PPP1R12B: variants seen among roughly 807,000 people sequenced by gnomAD.
The protein encoded by PPP1R12B is protein phosphatase 1 regulatory subunit 12B.
Under a neutral mutation model 126.1 loss-of-function variants are expected in PPP1R12B, and 76 were observed. That is an observed-to-expected ratio of 0.60 (90% CI 0.50 to 0.73). The LOEUF (loss-of-function observed/expected upper bound fraction) is 0.73. Among genes scored for constraint, PPP1R12B ranks in the 30% least tolerant of loss-of-function variants. PPP1R12B has a pLI of 0.00. For synonymous variants in PPP1R12B, 356 were observed against 434.7 expected (o/e 0.82, Z 2.25); for missense variants, 1,052 against 1,205.1 (o/e 0.87, Z 1.88).
intron 3 of PPP1R12B, among the ~76,000 whole-genome samples, chr1:202,423,098 C>T (rs567749138): frequency 3.3e-5 from 5 of 152,278 alleles, no homozygotes; most frequent in South Asian, 2.1e-4. Flanking sequence ...TGTGACTTTG[C>T]ATCTTTTCCC....
Position 202,382,630 on chromosome 1 carries a change from A to G in PPP1R12B, c.291+33488A>G, listed in dbSNP as rs1345397695. Among the ~76,000 whole-genome samples, 3 of 152,018 alleles carry G rather than the reference A, an allele frequency of 2.0e-5. No homozygotes were observed. The South Asian group carries it at 6.2e-4, about 31-fold the overall frequency. ...GGTGGCTCACGCTTGTAATCCCAGCACTTTGGGAGGCTGAGGGGGGTGGAT... is the reference window on the plus strand; with the variant it reads ...GGTGGCTCACGCTTGTAATCCCAGCGCTTTGGGAGGCTGAGGGGGGTGGAT... On this transcript the variant is annotated intron_variant, in intron 1 of 23. Transcript: ENST00000608999.
At chr1:202,551,118 T>A (rs963863497) in intron 18 of PPP1R12B, among the ~76,000 whole-genome samples, 22 of 152,260 alleles carry the variant, frequency 1.4e-4, no homozygotes, top group African/African-American at 5.1e-4. Context: ...ATATGTGAGA[T>A]GATGTTACAT....
intron 18 of PPP1R12B, among the ~76,000 whole-genome samples, chr1:202,515,603 T>C (rs1682049421): frequency 6.6e-6 from 1 of 152,176 alleles, no homozygotes; most frequent in South Asian, 2.1e-4. Flanking sequence ...CTTGCTCTGT[T>C]ACTCAGGCTG....
chr1:202,560,214 C>A (rs1184516074), intron 19 of PPP1R12B, among the ~76,000 whole-genome samples: 1 of 151,996 alleles, frequency 6.6e-6, no homozygotes, highest in Non-Finnish European at 1.5e-5. Flanking sequence ...ATTTTATAAT[C>A]TTTATATAGG....
chr1:202,569,140 G>A lies in PPP1R12B; in HGVS notation c.2812-7G>A, dbSNP rs571528265. On this transcript the variant is annotated splice_polypyrimidine_tract_variant and splice_region_variant and intron_variant, in intron 22 of 23. Transcript: ENST00000608999. ...TAATGTTCAACAGTCTCATTGTTCC[G>A]AAACAGGAGAGGCGAGCCTTGGAGC... is the stretch of plus-strand genomic sequence containing the variant. 8 of 1,612,852 alleles carry A rather than the reference G, an allele frequency of 5.0e-6. No individual in the cohort carries two copies. The highest frequency in any genetic ancestry group is 2.2e-5 in the South Asian group (2 of 91,026).
At chr1:202,394,035 G>A (rs1323917012) in intron 1 of PPP1R12B, among the ~76,000 whole-genome samples, 1 of 152,076 alleles carries the variant, frequency 6.6e-6, no homozygotes, top group East Asian at 1.9e-4. Flanking sequence ...CCCCATTTAC[G>A]CTTTTAAAAA....
At chr1:202,482,454 T>C (rs1209200530) in intron 13 of PPP1R12B, among the ~76,000 whole-genome samples, 1 of 152,208 alleles carries the variant, frequency 6.6e-6, no homozygotes, top group Non-Finnish European at 1.5e-5. Context: ...ATGGTACCTA[T>C]TGTGGTTTTG....
intron 10 of PPP1R12B, chr1:202,438,392 C>T (rs757563247): frequency 5.7e-5 from 37 of 646,130 alleles, no homozygotes; most frequent in African/African-American, 9.3e-5. Context: ...GTCCCCCCAG[C>T]GGCATGGCTT....
At chr1:202,529,548 C>T (rs1485312447) in intron 18 of PPP1R12B, among the ~76,000 whole-genome samples, 1 of 152,080 alleles carries the variant, frequency 6.6e-6, no homozygotes, top group African/African-American at 2.4e-5. Context: ...GACCATTCAG[C>T]CTCATTTATA....
chr1:202,422,754 G>T lies in PPP1R12B; in HGVS notation c.541+16G>T, dbSNP rs751504469. The T allele has an allele frequency of 1.9e-6, 3 of 1,613,264 alleles. No homozygotes were observed. The highest frequency in any genetic ancestry group is 2.5e-6 in the Non-Finnish European group (3 of 1,179,550). ...AAGAAGCAAGGTAACCTCATGGATTGGAGGGGGCCAGGAAAGATTCTCAAA... is the reference window on the plus strand; with the variant it reads ...AAGAAGCAAGGTAACCTCATGGATTTGAGGGGGCCAGGAAAGATTCTCAAA... On this transcript the variant is annotated intron_variant, in intron 3 of 23. Transcript: ENST00000608999.
At chr1:202,352,588 C>T (rs931100072) in intron 1 of PPP1R12B, among the ~76,000 whole-genome samples, 1 of 152,054 alleles carries the variant, frequency 6.6e-6, no homozygotes, top group African/African-American at 2.4e-5. Context: ...CCATACTTGA[C>T]TCAGAAATTC....
intron 13 of PPP1R12B, among the ~76,000 whole-genome samples, chr1:202,454,539 T>C (rs1469904713): frequency 6.6e-6 from 1 of 152,212 alleles, no homozygotes; most frequent in African/African-American, 2.4e-5. Flanking sequence ...GAAACAAATA[T>C]GCTAGTGAAA....
intron 1 of PPP1R12B, among the ~76,000 whole-genome samples, chr1:202,376,554 CAA>C (rs1661201896): frequency 6.6e-6 from 1 of 152,096 alleles, no homozygotes; most frequent in Middle Eastern, 3.2e-3. Flanking sequence ...AAGAATAAAA[CAA>C]ACTAAATTTT....
rs115225960 is a variant in PPP1R12B, at chr1:202,455,267, T to A, written c.1850+6096T>A. Among the ~76,000 whole-genome samples, 253 of 152,202 alleles carry A rather than the reference T, an allele frequency of 1.7e-3. 1 individual carries two copies. The highest frequency in any genetic ancestry group is 2.7e-3 in the Non-Finnish European group (186 of 68,006). ...CACTCATTTAAGGTGTACAATGCAG[T>A]GGTTTTTAGTATATTCACAGATATG... On this transcript the variant is annotated intron_variant, in intron 13 of 23. Coordinates refer to ENST00000608999, the MANE Select transcript of PPP1R12B (RefSeq NM_002481.4).
intron 9 of PPP1R12B, among the ~76,000 whole-genome samples, chr1:202,436,935 A>C (rs544101663): frequency 6.6e-6 from 1 of 152,172 alleles, no homozygotes; most frequent in East Asian, 1.9e-4. Context: ...AGATCAAATA[A>C]ATTTTCTTGA....
At chr1:202,539,323 G>T (rs1684868930) in intron 18 of PPP1R12B, among the ~76,000 whole-genome samples, 2 of 152,122 alleles carry the variant, frequency 1.3e-5, no homozygotes, top group South Asian at 4.1e-4. Context: ...CCTACAAGTG[G>T]TAACCCGAAT....
intron 1 of PPP1R12B, among the ~76,000 whole-genome samples, chr1:202,360,479 T>C (rs1657965324): frequency 6.6e-6 from 1 of 151,908 alleles, no homozygotes; most frequent in African/African-American, 2.4e-5. Flanking sequence ...GAGGCCGAGG[T>C]GGGAGGATCA....
chr1:202,379,024 G>A (rs1661760646), intron 1 of PPP1R12B, among the ~76,000 whole-genome samples: 1 of 151,826 alleles, frequency 6.6e-6, no homozygotes, highest in Non-Finnish European at 1.5e-5. Context: ...CACTCCCATG[G>A]CCTCATCCCT....
At chr1:202,495,152 G>A (rs12405771) in intron 15 of PPP1R12B, 141 bp from the exon 16 acceptor site, 221,761 of 473,684 alleles carry the variant, frequency 0.47, 55,077 homozygotes, top group East Asian at 0.73. Flanking sequence ...TTTATTGAGT[G>A]CCTATTACCA....
Sources: gnomAD v4.1 joint callset for allele counts (sites outside exome capture counted in the v4.1 genomes callset) on GRCh38, gnomAD v4.1.1 for gene constraint, MANE v1.5 for transcripts, NCBI Gene and HGNC (gene_info 2026-07-23, HGNC 2026-07-21) for gene names.